The following CD59 variants were observed in gnomAD, a reference collection of about 807,000 sequenced individuals.
CD59 encodes the protein CD59 molecule (CD59 blood group), also known as CD59 glycoprotein.
A neutral mutation model predicts 7.0 loss-of-function variants in CD59; 3 were observed. The observed-to-expected ratio is 0.43, with a 90% CI of 0.19 to 1.10. The LOEUF (loss-of-function observed/expected upper bound fraction) is 1.10. Ranked by LOEUF, CD59 falls within the 50% of genes least tolerant of loss-of-function variation. CD59 has a pLI of 0.29. For synonymous variants in CD59, 60 were observed against 62.0 expected, an observed-to-expected ratio of 0.97 and a Z score of 0.15; for missense variants, 143 against 151.0, an observed-to-expected ratio of 0.95 and a Z score of 0.28.
intron 1 of CD59, among the ~76,000 whole-genome samples, chr11:33,734,238 C>A (rs1212246504): frequency 6.6e-6 from 1 of 152,230 alleles, no homozygotes; most frequent in African/African-American, 2.4e-5. Context: ...AAAGAGAAAA[C>A]AACCATCATA....
Position 33,709,924 on chromosome 11 carries a change from C to T in CD59, c.*202G>A. 1 of 630,296 alleles carries T rather than the reference C, an allele frequency of 1.6e-6. No homozygotes were observed. Among genetic ancestry groups the T allele is most frequent in the African/African-American group, 1.8e-5 (1 of 54,658 alleles). The allele number at this position is 630,296 out of a possible 1,614,324, so 39.0% of individuals were successfully genotyped here. Reference sequence around the variant, plus strand: ...CACCTACTTCACTCTTAGACTTCTTCCTTCAAGTGGGGCTTCCCTGCAAAC... The same window carrying T: ...CACCTACTTCACTCTTAGACTTCTTTCTTCAAGTGGGGCTTCCCTGCAAAC... On this transcript the variant is annotated 3_prime_UTR_variant, in exon 4 of 4. Transcript: ENST00000642928.
chr11:33,724,995 C>T (rs774930796), intron 1 of CD59, among the ~76,000 whole-genome samples: 1 of 151,584 alleles, frequency 6.6e-6, no homozygotes, highest in African/African-American at 2.4e-5. Context: ...CGGAGGAGGG[C>T]GGGAGGCAGA....
chr11:33,710,129 G>A lies in CD59; in HGVS notation c.384C>T (p.Pro128=). 4 of 1,611,266 alleles carry A rather than the reference G, an allele frequency of 2.5e-6. No individual in the cohort carries two copies. Among genetic ancestry groups the A allele is most frequent in the Non-Finnish European group, 3.4e-6 (4 of 1,178,196 alleles). The change falls in exon 4 of 4, where the codon CCC becomes CCT. Residue 128 remains proline, a synonymous_variant. Coordinates refer to ENST00000642928, the MANE Select transcript of CD59 (RefSeq NM_000611.6). ...PFLAAAWSLH[P] ...GAGAAGCTCTCCTGGTGTTGACTTA[G>A]GGATGAAGGCTCCAGGCTGCTGCCA...
chr11:33,715,090 T>A (rs1472081407), intron 3 of CD59, among the ~76,000 whole-genome samples: 1 of 151,976 alleles, frequency 6.6e-6, no homozygotes, highest in Non-Finnish European at 1.5e-5. Context: ...TTATAGTTAA[T>A]TTTTTTAGTA....
chr11:33,731,983 T>C (rs1049628711), intron 1 of CD59, among the ~76,000 whole-genome samples: 1 of 151,270 alleles, frequency 6.6e-6, no homozygotes, highest in East Asian at 1.9e-4. Flanking sequence ...ACTGTTCTTG[T>C]GGTAGTGAAT....
intron 1 of CD59, among the ~76,000 whole-genome samples, chr11:33,731,949 A>G (rs774550734): frequency 2.7e-4 from 40 of 150,302 alleles, no homozygotes; most frequent in South Asian, 4.2e-4. Flanking sequence ...AGATAATTGA[A>G]TCACTGGGGA....
In CD59 at chr11:33,710,362, A is replaced by T; in HGVS notation, c.170-19T>A. 1 of 1,572,790 alleles carries T rather than the reference A, an allele frequency of 6.4e-7. No homozygotes were observed. Among genetic ancestry groups the T allele is most frequent in the Non-Finnish European group, 8.8e-7 (1 of 1,142,252 alleles). On this transcript the variant is annotated intron_variant, in intron 3 of 3. Coordinates refer to ENST00000642928, the MANE Select transcript of CD59 (RefSeq NM_000611.6). Reference sequence around the variant, plus strand: ...TGTAACCCTGTGGGGAGACACACACAAGGGTAAGAAAGTAAGTGGGAAGAG... The same window carrying T: ...TGTAACCCTGTGGGGAGACACACACTAGGGTAAGAAAGTAAGTGGGAAGAG...
rs974628741 is a variant in CD59 at position 33,736,104 on chromosome 11, G to A, written c.-19+278C>T. 2.0e-5 allele frequency among the ~76,000 whole-genome samples: 3 copies of A among 152,138 alleles called. No homozygotes were observed. The highest frequency in any genetic ancestry group is 6.5e-5 in the Admixed American group (1 of 15,280). On this transcript the variant is annotated intron_variant, in intron 1 of 3. Coordinates refer to ENST00000642928, the MANE Select transcript of CD59 (RefSeq NM_000611.6). The surrounding 1 kb of genome is among the most constrained non-coding windows in gnomAD (Gnocchi z 4.4). ...GCCCGGGTGCGAGGCTGCCCCCGAG[G>A]GAATGGGGGGCGCGACGGGGGTAAC...
intron 3 of CD59, among the ~76,000 whole-genome samples, chr11:33,714,936 GTTTT>G (rs58642942): frequency 7.6e-6 from 1 of 131,936 alleles, no homozygotes; most frequent in Non-Finnish European, 1.6e-5. Context: ...TGCTGAGGCT[GTTTT>G]TTTTTTTTTT....
chr11:33,714,841 G>A (rs1030179073), intron 3 of CD59, among the ~76,000 whole-genome samples: 3 of 152,030 alleles, frequency 2.0e-5, no homozygotes, highest in African/African-American at 7.2e-5. Context: ...CCCACTGGAA[G>A]GTCTTAGGGG....
intron 1 of CD59, among the ~76,000 whole-genome samples, chr11:33,734,604 CT>C (rs1373007035): frequency 6.6e-6 from 1 of 152,252 alleles, no homozygotes; most frequent in Admixed American, 6.5e-5. Flanking sequence ...CTACAAGGGC[CT>C]TTCCTGCAGT....
chr11:33,727,597 C>T (rs2133567898), intron 1 of CD59, among the ~76,000 whole-genome samples: 1 of 152,300 alleles, frequency 6.6e-6, no homozygotes. Context: ...GAAGCATTCC[C>T]CTTGAAAACT....
chr11:33,717,268 T>A (rs1473118897), intron 3 of CD59, 102 bp downstream of exon 3: 2 of 729,448 alleles, frequency 2.7e-6, no homozygotes, highest in Non-Finnish European at 5.0e-6. Flanking sequence ...AAATGGTAGC[T>A]ATTACTTGAT....
intron 2 of CD59, chr11:33,718,875 GA>G: frequency 6.6e-6 from 1 of 152,352 alleles, no homozygotes; most frequent in South Asian, 2.1e-4. Context: ...AGAGACTGAG[GA>G]AGCAAGAGTT....
At chr11:33,724,602 G>A (rs965623885) in intron 1 of CD59, among the ~76,000 whole-genome samples, 3 of 152,224 alleles carry the variant, frequency 2.0e-5, no homozygotes, top group African/African-American at 7.2e-5. Context: ...GGAAGAAATT[G>A]TGTGGGGAGG....
intron 1 of CD59, among the ~76,000 whole-genome samples, chr11:33,730,142 G>A (rs1024642054): frequency 6.6e-6 from 1 of 152,032 alleles, no homozygotes; most frequent in African/African-American, 2.4e-5. Context: ...AAGTTAAAAT[G>A]TGTCAGCCAG....
chr11:33,718,481 TAA>T (rs59130418), intron 2 of CD59: 31 of 146,150 alleles, frequency 2.1e-4, no homozygotes, highest in South Asian at 4.3e-4. Flanking sequence ...AAACTCTGTT[TAA>T]AAAAAAAAAA....
chr11:33,706,567 A>C lies in CD59; in HGVS notation c.*3559T>G, dbSNP rs1484976470. ...GAAAGGGTTTAAAAAAAAAAAAAAA[A>C]AAAAACTTGTCCAGAGACATAGCCA... On this transcript the variant is annotated 3_prime_UTR_variant, in exon 4 of 4. Coordinates refer to ENST00000642928, the MANE Select transcript of CD59 (RefSeq NM_000611.6). 6.6e-6 allele frequency: 1 copy of C among 151,896 alleles called. No homozygotes were observed. Among genetic ancestry groups the C allele is most frequent in the Admixed American group, 6.6e-5 (1 of 15,266 alleles). 9.4% of individuals were successfully genotyped at this position (151,896 alleles called of 1,614,324 possible). A position where few individuals can be genotyped will look rare whatever the true frequency, so the allele number is the denominator to read the frequency against.
intron 3 of CD59, among the ~76,000 whole-genome samples, chr11:33,710,561 T>C (rs1285758985): frequency 6.6e-6 from 1 of 152,114 alleles, no homozygotes; most frequent in East Asian, 1.9e-4. Context: ...AGAGCCAGTA[T>C]AGTTATGGGG....
Sources: gnomAD v4.1 joint callset for allele counts (sites outside exome capture counted in the v4.1 genomes callset) on GRCh38, gnomAD v4.1.1 for gene constraint, Gnocchi (gnomAD v3.1) non-coding constraint, MANE v1.5 for transcripts, NCBI Gene and HGNC (gene_info 2026-07-23, HGNC 2026-07-21) for gene names.